The following ATP2B2 variants were observed in gnomAD, a reference collection of about 807,000 sequenced individuals.
ATP2B2 encodes the protein ATPase plasma membrane Ca2+ transporting 2, also known as plasma membrane calcium-transporting ATPase 2.
In ATP2B2, 15 loss-of-function variants were observed where a neutral mutation model predicts 120.0. The observed-to-expected ratio is 0.12, with a 90% confidence interval of 0.08 to 0.19. The LOEUF (loss-of-function observed/expected upper bound fraction) is 0.19. ATP2B2 is among the 10% of genes least tolerant of loss of function. ATP2B2 has a pLI of 1.00. For synonymous variants in ATP2B2, 694 were observed against 700.3 expected, an observed-to-expected ratio of 0.99 and a Z score of 0.14; for missense variants, 1,045 against 1,719.8, an observed-to-expected ratio of 0.61 and a Z score of 6.94.
chr3:10,338,971 G>C (rs1384549714), intron 21 of ATP2B2: 1 of 154,962 alleles, frequency 6.5e-6, no homozygotes, highest in African/African-American at 2.4e-5. Context: ...TCCCCAAAAG[G>C]CTTGTCCATG....
chr3:10,579,482 G>A (rs1403952428), intron 2 of ATP2B2, among the ~76,000 whole-genome samples: 1 of 152,138 alleles, frequency 6.6e-6, no homozygotes, highest in Non-Finnish European at 1.5e-5. Flanking sequence ...AGAGCAGCCT[G>A]GCTAACATGG....
Position 10,512,464 on chromosome 3 carries a change from GCACACACACACACACA to G in ATP2B2, c.-320+21559_-320+21574del, listed in dbSNP as rs6147706. 9.4e-3 allele frequency among the ~76,000 whole-genome samples: 1,289 copies of G among 136,974 alleles called. 28 individuals carry two copies. The highest frequency in any genetic ancestry group is 0.028 in the African/African-American group (984 of 34,670). The allele number at this position is 136,974 out of a possible 152,430, so 89.9% of individuals were successfully genotyped here. On this transcript the variant is annotated intron_variant, in intron 3 of 21. Transcript: ENST00000646379. ...TATTCCTGGGTGCTAAAGTGTGTGC[GCACACACACACACACA>G]CACACACACACACACACACACACAC...
At chr3:10,509,848 GCT>G (rs1559429580), upstream of ATP2B2, among the ~76,000 whole-genome samples, 1 of 152,180 alleles carries the variant, frequency 6.6e-6, no homozygotes, top group East Asian at 1.9e-4. Flanking sequence ...CCAACTCCCA[GCT>G]CTCTCACTTA....
chr3:10,667,983 G>A lies in ATP2B2; in HGVS notation c.-460+39932C>T, dbSNP rs202036780. Among the ~76,000 whole-genome samples the A allele has an allele frequency of 4.0e-5, 6 of 149,560 alleles. No individual in the cohort carries two copies. In the East Asian group the frequency reaches 1.2e-3, roughly 31 times the overall value. ...CCTTTCTAAAAAGAAATCACTGAAC[G>A]AGGACAGATAGTGCAGGGGTGGGCA... On this transcript the variant is annotated intron_variant, in intron 1 of 21. Transcript: ENST00000646379.
chr3:10,638,031 C>T (rs796978443), intron 1 of ATP2B2, among the ~76,000 whole-genome samples: 55 of 152,188 alleles, frequency 3.6e-4, no homozygotes, highest in African/African-American at 1.0e-3. Context: ...ACACTGTATA[C>T]GTACCAGTGA....
intron 1 of ATP2B2, among the ~76,000 whole-genome samples, chr3:10,466,822 G>A (rs1259204691): frequency 6.6e-6 from 1 of 152,184 alleles, no homozygotes; most frequent in Admixed American, 6.5e-5. Flanking sequence ...TCACAAGTAA[G>A]AAAACTAAGG....
chr3:10,523,851 A>AT (rs1027887938), intron 3 of ATP2B2, among the ~76,000 whole-genome samples: 12 of 152,132 alleles, frequency 7.9e-5, no homozygotes, highest in African/African-American at 2.9e-4. Context: ...CAGAAAAAAA[A>AT]AAAAATAAAA....
At chr3:10,503,088 C>T (rs552421083) in intron 1 of ATP2B2, among the ~76,000 whole-genome samples, 220 of 152,334 alleles carry the variant, frequency 1.4e-3, no homozygotes, top group Middle Eastern at 6.8e-3. Context: ...CCCATACCTG[C>T]GCCTGAGCTG....
chr3:10,490,225 G>C (rs1457640628), intron 1 of ATP2B2, among the ~76,000 whole-genome samples: 1 of 152,186 alleles, frequency 6.6e-6, no homozygotes, highest in African/African-American at 2.4e-5. Flanking sequence ...CTGAGTCCTA[G>C]TGCCCTTGAC....
At chr3:10,611,578 T>A (rs747364964) in intron 2 of ATP2B2, among the ~76,000 whole-genome samples, 1 of 152,054 alleles carries the variant, frequency 6.6e-6, no homozygotes, top group East Asian at 1.9e-4. Context: ...GGGCACTGGG[T>A]CCCTCTTTTG....
chr3:10,657,842 C>T (rs1025253147), intron 1 of ATP2B2, among the ~76,000 whole-genome samples: 1 of 152,244 alleles, frequency 6.6e-6, no homozygotes, highest in Non-Finnish European at 1.5e-5. Context: ...CTGGGAGGCA[C>T]CTGCTAGTAG....
intron 2 of ATP2B2, among the ~76,000 whole-genome samples, chr3:10,604,397 C>G (rs2069005120): frequency 6.6e-6 from 1 of 152,128 alleles, no homozygotes; most frequent in Non-Finnish European, 1.5e-5. Context: ...CACAGTCTCC[C>G]CTAACCTTCC....
chr3:10,680,712 G>A (rs915171842), intron 1 of ATP2B2, among the ~76,000 whole-genome samples: 1 of 152,166 alleles, frequency 6.6e-6, no homozygotes, highest in Non-Finnish European at 1.5e-5. Context: ...CATTCGTCCT[G>A]AGCATAGCTC....
At chr3:10,450,158 C>T (rs930679295) in intron 1 of ATP2B2, among the ~76,000 whole-genome samples, 5 of 152,142 alleles carry the variant, frequency 3.3e-5, no homozygotes, top group Admixed American at 2.6e-4. Flanking sequence ...ACACATCCCC[C>T]GACATATACC....
At chr3:10,657,367 T>C (rs1045185963) in intron 1 of ATP2B2, among the ~76,000 whole-genome samples, 4 of 152,250 alleles carry the variant, frequency 2.6e-5, no homozygotes, top group Admixed American at 6.5e-5. Context: ...CCCACCCTCA[T>C]GTCTAAACAT....
At chr3:10,466,587 TAA>T (rs2064753201) in intron 1 of ATP2B2, among the ~76,000 whole-genome samples, 1 of 152,066 alleles carries the variant, frequency 6.6e-6, no homozygotes, top group Non-Finnish European at 1.5e-5. Flanking sequence ...CAGAAGAGAA[TAA>T]AAGGCTAACC....
At position 10,340,819 on chromosome 3, in the gene ATP2B2, C is replaced by A; in HGVS notation, c.2918-115G>T. ...GCAGTGACGTGAATCCCCAAGACAT[C>A]AAGGCATGCTTGGACAGTGGGGGGC... On this transcript the variant is annotated intron_variant, in intron 19 of 22. Coordinates refer to ENST00000360273, the MANE Select transcript of ATP2B2 (RefSeq NM_001001331.4). The surrounding 1 kb of genome is among the most constrained non-coding windows in gnomAD (Gnocchi z 5.0). The A allele has an allele frequency of 1.9e-6, 2 of 1,049,402 alleles. No homozygotes were observed. Among genetic ancestry groups the A allele is most frequent in the Non-Finnish European group, 2.9e-6 (2 of 692,010 alleles). 65.0% of individuals were successfully genotyped at this position (1,049,402 alleles called of 1,614,324 possible).
At chr3:10,528,195 C>T (rs898161847) in intron 3 of ATP2B2, among the ~76,000 whole-genome samples, 1 of 152,000 alleles carries the variant, frequency 6.6e-6, no homozygotes, top group Admixed American at 6.5e-5. Context: ...TCTGAGGACT[C>T]TCTGTACAAC....
chr3:10,573,455 A>G (rs939257812), intron 2 of ATP2B2, among the ~76,000 whole-genome samples: 1 of 152,186 alleles, frequency 6.6e-6, no homozygotes, highest in African/African-American at 2.4e-5. Flanking sequence ...CCCTGACTGC[A>G]TGCTCAGTCT....
Sources: allele counts gnomAD v4.1 joint callset (sites outside exome capture counted in the v4.1 genomes callset), GRCh38; gene constraint gnomAD v4.1.1; non-coding constraint Gnocchi (gnomAD v3.1); transcripts MANE v1.5; gene names NCBI Gene and HGNC (gene_info 2026-07-23, HGNC 2026-07-21).